The following MYT1L variants were observed in gnomAD, a reference collection of about 807,000 sequenced individuals.
MYT1L encodes the protein myelin transcription factor 1 like, also known as myelin transcription factor 1-like protein.
Under a neutral mutation model 126.7 loss-of-function variants are expected in MYT1L, and 12 were observed. The observed-to-expected ratio is 0.09, with a 90% CI of 0.06 to 0.15. MYT1L has a LOEUF of 0.15. Among genes scored for constraint, MYT1L ranks in the 10% least tolerant of loss-of-function variants. The pLI is 1.00. For missense variants in MYT1L, 979 were observed against 1,585.2 expected (o/e 0.62, Z 6.49); for synonymous variants, 541 against 604.2 (o/e 0.90, Z 1.53).
chr2:2,018,094 C>T (rs2064629872), intron 4 of MYT1L, among the ~76,000 whole-genome samples: 1 of 152,134 alleles, frequency 6.6e-6, no homozygotes, highest in South Asian at 2.1e-4. Flanking sequence ...AAGAGTAAAG[C>T]CTGCATAAAG....
Position 1,846,465 on chromosome 2 carries a change from C to T in MYT1L, c.2774+5176G>A, listed in dbSNP as rs2042504997. ...TGGAACTTTGTAAACGATGGAAACG[C>T]TGTAAGGGAGAGCTCTGTGTTCTCT... On this transcript the variant is annotated intron_variant, in intron 19 of 24. Transcript: ENST00000647738. 2.0e-5 allele frequency among the ~76,000 whole-genome samples: 3 copies of T among 152,152 alleles called. No individual in the cohort carries two copies. In the South Asian group the frequency reaches 6.2e-4, roughly 32 times the overall value.
intron 5 of MYT1L, among the ~76,000 whole-genome samples, chr2:1,996,091 G>A (rs538221165): frequency 2.0e-5 from 3 of 152,192 alleles, no homozygotes; most frequent in Non-Finnish European, 2.9e-5. Context: ...TGGAGGAAGC[G>A]GTGTGCAGGC....
chr2:2,326,130 C>T (rs1368025089), intron 1 of MYT1L: 1 of 152,286 alleles, frequency 6.6e-6, no homozygotes, highest in Non-Finnish European at 1.5e-5. Flanking sequence ...GAGAGACCAT[C>T]GCACGTGCTG....
rs1448330924 is a variant in MYT1L at position 2,165,491 on chromosome 2, G to A, written c.-304+7381C>T. On this transcript the variant is annotated intron_variant, in intron 3 of 24. Transcript: ENST00000647738. ...ACACATTCTCTCACATCACCAATGC[G>A]TAATTTCAACAGAAAAGGAAGTTAA... Among the ~76,000 whole-genome samples, 3 of 152,126 alleles carry A rather than the reference G, an allele frequency of 2.0e-5. No individual in the cohort carries two copies. The South Asian group carries it at 6.2e-4, about 32-fold the overall frequency.
chr2:2,132,899 T>C (rs1174956000), intron 3 of MYT1L, among the ~76,000 whole-genome samples: 1 of 152,284 alleles, frequency 6.6e-6, no homozygotes, highest in East Asian at 1.9e-4. Flanking sequence ...ATTGGGTGTC[T>C]TGGTAAGTCA....
intron 8 of MYT1L, among the ~76,000 whole-genome samples, chr2:1,963,540 A>C (rs2059124717): frequency 6.6e-6 from 1 of 152,244 alleles, no homozygotes; most frequent in African/African-American, 2.4e-5. Context: ...ATCTTCTTCC[A>C]ATAGAAGGCT....
intron 11 of MYT1L, among the ~76,000 whole-genome samples, chr2:1,913,545 G>A (rs752000166): frequency 7.2e-5 from 11 of 152,092 alleles, no homozygotes; most frequent in Non-Finnish European, 1.2e-4. Context: ...GCAGGATGTC[G>A]ATCTACCTAC....
chr2:1,907,885 T>C (rs997038665), intron 13 of MYT1L, among the ~76,000 whole-genome samples: 1 of 152,208 alleles, frequency 6.6e-6, no homozygotes, highest in Non-Finnish European at 1.5e-5. Context: ...GTAAGCCCCA[T>C]GGAGGCGGAA....
chr2:2,060,247 C>A (rs979065450), intron 3 of MYT1L, among the ~76,000 whole-genome samples: 2 of 152,068 alleles, frequency 1.3e-5, no homozygotes, highest in African/African-American at 4.8e-5. Flanking sequence ...ATTTTCACAT[C>A]GTATAGAACA....
chr2:2,253,875 T>G (rs559756639), intron 2 of MYT1L, among the ~76,000 whole-genome samples: 12 of 152,344 alleles, frequency 7.9e-5, no homozygotes, highest in African/African-American at 2.9e-4. Context: ...TCCTAAGGTC[T>G]GCCTTCAGCG....
chr2:2,133,233 C>T (rs1250033805), intron 3 of MYT1L, among the ~76,000 whole-genome samples: 4 of 152,168 alleles, frequency 2.6e-5, no homozygotes, highest in Non-Finnish European at 5.9e-5. Flanking sequence ...ATGATCTATA[C>T]AGGCACAAAA....
intron 4 of MYT1L, among the ~76,000 whole-genome samples, chr2:2,042,744 G>A (rs113549591): frequency 1.3e-5 from 2 of 152,254 alleles, no homozygotes; most frequent in African/African-American, 4.8e-5. Context: ...TGCTCTATCT[G>A]TTCCCAAAGC....
intron 1 of MYT1L, among the ~76,000 whole-genome samples, chr2:2,298,738 GT>G (rs1437782369): frequency 1.3e-5 from 2 of 152,204 alleles, no homozygotes; most frequent in African/African-American, 4.8e-5. Context: ...GACACGGCAT[GT>G]TCTCGTGGGA....
intron 4 of MYT1L, among the ~76,000 whole-genome samples, chr2:2,003,361 C>A (rs747788262): frequency 6.6e-6 from 1 of 152,178 alleles, no homozygotes; most frequent in African/African-American, 2.4e-5. Context: ...CCTCCAAGTT[C>A]CCTGTGACAG....
intron 21 of MYT1L, among the ~76,000 whole-genome samples, chr2:1,834,831 C>T (rs938146061): frequency 6.6e-6 from 1 of 151,270 alleles, no homozygotes; most frequent in Admixed American, 6.6e-5. Flanking sequence ...GGGATGGATA[C>T]AGGTACTCCT....
At position 2,047,054 on chromosome 2, in the gene MYT1L, C is replaced by T. The variant is rs116225774; in HGVS notation, c.-158+6924G>A. ...ATTTGTTAAATTTAATATGCTAATA[C>T]GCCACTACGTTTACCCATTTATGCT... On this transcript the variant is annotated intron_variant, in intron 4 of 24. Coordinates refer to ENST00000647738, the MANE Select transcript of MYT1L (RefSeq NM_001303052.2). Among the ~76,000 whole-genome samples the T allele has an allele frequency of 7.2e-5, 11 of 152,256 alleles. No individual in the cohort carries two copies. The South Asian group carries it at 8.3e-4, about 11-fold the overall frequency.
At position 1,979,910 on chromosome 2, in the gene MYT1L, T is replaced by C. The variant is rs1046962976; in HGVS notation, c.1-133A>G. 1.2e-6 allele frequency: 1 copy of C among 854,398 alleles called. No individual in the cohort carries two copies. Among genetic ancestry groups the C allele is most frequent in the African/African-American group, 1.7e-5 (1 of 59,978 alleles). The allele number at this position is 854,398 out of a possible 1,614,324, so 52.9% of individuals were successfully genotyped here. ...TTTCCCTCCATGAAGGGAAGCCCTC[T>C]ACAAGGGCAGGGGGTAAGACCAGGC... On this transcript the variant is annotated intron_variant, in intron 5 of 24. Coordinates refer to ENST00000647738, the MANE Select transcript of MYT1L (RefSeq NM_001303052.2). This position sits in a 1 kb window ranked among gnomAD's most constrained non-coding sequence, Gnocchi z 4.0.
rs146339868 is a variant in MYT1L, at chr2:2,169,121, ACAAG to A, written c.-304+3747_-304+3750del. ...GAAACTGAAACTCAGGTTCAAGGAGACAAGCAACTTCTCTGCAGATGATGGGGTA... is the reference window on the plus strand; with the variant it reads ...GAAACTGAAACTCAGGTTCAAGGAGACAACTTCTCTGCAGATGATGGGGTA... On this transcript the variant is annotated intron_variant, in intron 3 of 24. Transcript: ENST00000647738. Among the ~76,000 whole-genome samples, 624 of 152,320 alleles carry A rather than the reference ACAAG, an allele frequency of 4.1e-3. 4 individuals are homozygous for A. The highest frequency in any genetic ancestry group is 0.015 in the African/African-American group (603 of 41,572).
chr2:1,977,550 C>A (rs1405243386), intron 8 of MYT1L, among the ~76,000 whole-genome samples: 1 of 152,152 alleles, frequency 6.6e-6, no homozygotes, highest in African/African-American at 2.4e-5. Flanking sequence ...TTGTTTGTAA[C>A]ACAAAGGATA....
Sources: allele counts gnomAD v4.1 joint callset (sites outside exome capture counted in the v4.1 genomes callset), GRCh38; gene constraint gnomAD v4.1.1; non-coding constraint Gnocchi (gnomAD v3.1); transcripts MANE v1.5; gene names NCBI Gene and HGNC (gene_info 2026-07-23, HGNC 2026-07-21).